MEIS2: variants seen among roughly 807,000 people sequenced by gnomAD.
MEIS2 encodes homeobox protein Meis2.
In MEIS2, 9 loss-of-function variants were observed where a neutral mutation model predicts 58.6. The ratio of observed to expected loss-of-function variants is 0.15; its 90% CI spans 0.09 to 0.27. The LOEUF (loss-of-function observed/expected upper bound fraction) is 0.27. Ranked by LOEUF, MEIS2 falls within the 10% of genes least tolerant of loss-of-function variation. The probability of loss-of-function intolerance (pLI) is 1.00; values close to 1 mark genes in which losing one functional copy is unlikely to be tolerated. For synonymous variants in MEIS2, 221 were observed against 228.4 expected (o/e 0.97, Z 0.29); for missense variants, 427 against 635.0 (o/e 0.67, Z 3.52).
At chr15:36,893,735 C>T (rs2056014244) in intron 11 of MEIS2, among the ~76,000 whole-genome samples, 1 of 152,166 alleles carries the variant, frequency 6.6e-6, no homozygotes, top group Non-Finnish European at 1.5e-5. Context: ...TTGCTTTCTA[C>T]ATTTTTTGAC....
At chr15:36,893,398 T>G (rs989249507) in intron 11 of MEIS2, among the ~76,000 whole-genome samples, 2 of 152,256 alleles carry the variant, frequency 1.3e-5, no homozygotes, top group Admixed American at 1.3e-4. Context: ...GCAGTCATTT[T>G]GTTAAGTAGA....
At chr15:36,919,795 G>C (rs1381109979) in intron 9 of MEIS2, among the ~76,000 whole-genome samples, 1 of 152,176 alleles carries the variant, frequency 6.6e-6, no homozygotes, top group African/African-American at 2.4e-5. Context: ...AGATGAAATA[G>C]AGCAAGTAAT....
At chr15:37,081,749 C>G (rs1892232386) in intron 7 of MEIS2, among the ~76,000 whole-genome samples, 1 of 152,014 alleles carries the variant, frequency 6.6e-6, no homozygotes, top group African/African-American at 2.4e-5. Flanking sequence ...CATAAGCTAC[C>G]ATGTCCATTC....
chr15:37,073,925 C>T (rs1596074968), intron 7 of MEIS2, among the ~76,000 whole-genome samples: 1 of 152,036 alleles, frequency 6.6e-6, no homozygotes, highest in African/African-American at 2.4e-5. Context: ...AGATAAGGTA[C>T]TTATCTATAT....
intron 8 of MEIS2, among the ~76,000 whole-genome samples, chr15:36,979,778 G>C (rs1199506172): frequency 6.9e-6 from 1 of 145,348 alleles, no homozygotes; most frequent in African/African-American, 2.5e-5. Flanking sequence ...TACTCTAAAG[G>C]ATTATATAAA....
intron 6 of MEIS2, among the ~76,000 whole-genome samples, chr15:37,084,684 T>G (rs2141921452): frequency 6.6e-6 from 1 of 152,260 alleles, no homozygotes; most frequent in South Asian, 2.1e-4. Context: ...AAACCAAGAG[T>G]TATAGCTCAT....
At chr15:36,933,715 T>C (rs746160317) in intron 9 of MEIS2, among the ~76,000 whole-genome samples, 28 of 152,280 alleles carry the variant, frequency 1.8e-4, no homozygotes, top group Middle Eastern at 3.4e-3. Flanking sequence ...GAATTGAGTA[T>C]CCTAACGCTT....
intron 8 of MEIS2, among the ~76,000 whole-genome samples, chr15:37,018,650 T>C (rs2141664684): frequency 6.6e-6 from 1 of 152,314 alleles, no homozygotes; most frequent in African/African-American, 2.4e-5. Flanking sequence ...TTGAAATACC[T>C]AAGAATCCAA....
At chr15:37,013,584 T>A (rs996785047) in intron 8 of MEIS2, among the ~76,000 whole-genome samples, 3 of 146,928 alleles carry the variant, frequency 2.0e-5, no homozygotes, top group South Asian at 2.1e-4. Context: ...AAAAAAAAAA[T>A]TATATATATA....
At chr15:36,984,816 G>A (rs2060043160) in intron 8 of MEIS2, among the ~76,000 whole-genome samples, 1 of 152,056 alleles carries the variant, frequency 6.6e-6, no homozygotes, top group Admixed American at 6.6e-5. Flanking sequence ...TTCACTCTTG[G>A]TAGGTTATAT....
intron 8 of MEIS2, among the ~76,000 whole-genome samples, chr15:37,009,518 G>A (rs981922565): frequency 2.0e-5 from 3 of 152,192 alleles, no homozygotes; most frequent in African/African-American, 4.8e-5. Context: ...GTGTAAATGG[G>A]AAAATACTGG....
chr15:37,002,984 GTC>G (rs1351607146), intron 8 of MEIS2, among the ~76,000 whole-genome samples: 1 of 152,132 alleles, frequency 6.6e-6, no homozygotes, highest in Non-Finnish European at 1.5e-5. Flanking sequence ...AATATGGAAA[GTC>G]TATAAAACCA....
intron 7 of MEIS2, among the ~76,000 whole-genome samples, chr15:37,047,452 G>A (rs4923736): frequency 0.97 from 147,462 of 152,248 alleles, 71,577 homozygotes; most frequent in East Asian, 1. Context: ...AACCAGAAAG[G>A]GAGAGAGACC....
intron 8 of MEIS2, among the ~76,000 whole-genome samples, chr15:36,994,929 T>C (rs2060421754): frequency 6.6e-6 from 1 of 152,240 alleles, no homozygotes; most frequent in Non-Finnish European, 1.5e-5. Context: ...CCAGAATTTA[T>C]GAGAACCAGA....
intron 8 of MEIS2, among the ~76,000 whole-genome samples, chr15:36,978,820 A>T (rs1425411212): frequency 6.6e-6 from 1 of 152,204 alleles, no homozygotes; most frequent in East Asian, 1.9e-4. Flanking sequence ...GCTGCATAAT[A>T]TTCCACAATA....
At position 36,971,229 on chromosome 15, in the gene MEIS2, C is replaced by T. The variant is rs918464947; in HGVS notation, c.901-20829G>A. ...CTTATAGCATATTGAAATGTTTTGG[C>T]GCCAACTCATCTCATTCTAATACCT... On this transcript the variant is annotated intron_variant, in intron 8 of 11. Transcript: ENST00000561208. 5.3e-5 allele frequency among the ~76,000 whole-genome samples: 8 copies of T among 152,006 alleles called. No individual in the cohort carries two copies. The East Asian group carries it at 5.8e-4, about 11-fold the overall frequency.
chr15:36,924,637 A>C (rs1158719277), intron 9 of MEIS2, among the ~76,000 whole-genome samples: 1 of 152,168 alleles, frequency 6.6e-6, no homozygotes, highest in Admixed American at 6.5e-5. Flanking sequence ...AAAGCATACG[A>C]GGCACCGAAC....
chr15:37,075,548 T>A (rs901281833), intron 7 of MEIS2, among the ~76,000 whole-genome samples: 2 of 152,044 alleles, frequency 1.3e-5, no homozygotes, highest in African/African-American at 4.8e-5. Flanking sequence ...CACACCAAGT[T>A]TTGATCAACT....
In MEIS2 at chr15:37,099,289, C is replaced by T. The variant is rs900695134; in HGVS notation, c.12+166G>A. 28 of 1,486,400 alleles carry T rather than the reference C, an allele frequency of 1.9e-5. 1 individual carries two copies. Among genetic ancestry groups the T allele is most frequent in the South Asian group, 4.1e-5 (3 of 73,348 alleles). The allele number at this position is 1,486,400 out of a possible 1,614,324, so 92.1% of individuals were successfully genotyped here. On this transcript the variant is annotated intron_variant, in intron 1 of 11. Coordinates refer to ENST00000561208, the MANE Select transcript of MEIS2 (RefSeq NM_170675.5). ...ACACACTCGCACACACGCAGAGGCACGGGAGGGAAAGAAGCCGATGAATAA... is the reference window on the plus strand; with the variant it reads ...ACACACTCGCACACACGCAGAGGCATGGGAGGGAAAGAAGCCGATGAATAA...
Sources: allele counts gnomAD v4.1 joint callset (sites outside exome capture counted in the v4.1 genomes callset), GRCh38; gene constraint gnomAD v4.1.1; transcripts MANE v1.5; gene names NCBI Gene and HGNC (gene_info 2026-07-23, HGNC 2026-07-21).